Variants in WBP1L observed in about 807,000 individuals in gnomAD.
WBP1L encodes the protein WW domain binding protein 1 like, also known as WW domain binding protein 1-like.
A neutral mutation model predicts 33.7 loss-of-function variants in WBP1L; 17 were observed. The ratio of observed to expected loss-of-function variants is 0.50; its 90% confidence interval spans 0.34 to 0.76. The LOEUF is 0.76. Among genes scored for constraint, WBP1L ranks in the 30% least tolerant of loss-of-function variants. The pLI is 0.01. For synonymous variants in WBP1L, 173 were observed against 190.8 expected (o/e 0.91, Z 0.77); for missense variants, 389 against 469.4 (o/e 0.83, Z 1.58).
chr10:102,756,455 C>T (rs1203685187), intron 1 of WBP1L, among the ~76,000 whole-genome samples: 3 of 152,000 alleles, frequency 2.0e-5, no homozygotes, highest in Admixed American at 2.0e-4. Context: ...TAGCATTTCA[C>T]AAGATGCATT....
At chr10:102,781,743 C>A (rs524430) in intron 1 of WBP1L, among the ~76,000 whole-genome samples, 79,105 of 151,914 alleles carry the variant, frequency 0.52, 21,954 homozygotes, top group Non-Finnish European at 0.62. Flanking sequence ...AAAGTTGAAG[C>A]CAGAATCCTT....
At position 102,814,036 on chromosome 10, in the gene WBP1L, T is replaced by C. The variant is rs1843890902; in HGVS notation, c.*705T>C. 1 of 149,430 alleles carries C rather than the reference T, an allele frequency of 6.7e-6. No individual in the cohort carries two copies. The highest frequency in any genetic ancestry group is 1.5e-5 in the Non-Finnish European group (1 of 65,902). 9.3% of individuals were successfully genotyped at this position (149,430 alleles called of 1,614,324 possible). A position where few individuals can be genotyped will look rare whatever the true frequency, so the allele number is the denominator to read the frequency against. The stretch of plus-strand genomic sequence containing the variant: ...TGTGAAAGGTTATACTGCCTTTTCT[T>C]TGTTTGTTTGTTTTTTTCTCTAAAA... On this transcript the variant is annotated 3_prime_UTR_variant, in exon 4 of 4. Transcript: ENST00000448841.
At chr10:102,752,805 G>T (rs1045390387) in intron 1 of WBP1L, among the ~76,000 whole-genome samples, 1 of 152,158 alleles carries the variant, frequency 6.6e-6, no homozygotes, top group East Asian at 1.9e-4. Context: ...TGTTCTCAGG[G>T]TCTGTCACAA....
chr10:102,787,359 A>C (rs1194078506), intron 1 of WBP1L, among the ~76,000 whole-genome samples: 1 of 152,162 alleles, frequency 6.6e-6, no homozygotes, highest in Non-Finnish European at 1.5e-5. Context: ...AGGCTGAGGC[A>C]GGAGAATCAC....
chr10:102,800,755 T>C (rs1843645210), intron 2 of WBP1L, among the ~76,000 whole-genome samples: 1 of 152,188 alleles, frequency 6.6e-6, no homozygotes, highest in African/African-American at 2.4e-5. Context: ...ACACCTGAAG[T>C]TCTCATCAAA....
At position 102,745,125 on chromosome 10, in the gene WBP1L, C is replaced by T. The variant is rs547051614; in HGVS notation, c.90+982C>T. 3.9e-5 allele frequency among the ~76,000 whole-genome samples: 6 copies of T among 152,300 alleles called. No homozygotes were observed. The South Asian group carries it at 6.2e-4, about 16-fold the overall frequency. ...TTTCAGAAAGGCATACACACATAGA[C>T]GCATAGCGTAGTGGCAAAGTTTATA... On this transcript the variant is annotated intron_variant, in intron 1 of 3. Transcript: ENST00000448841.
chr10:102,782,606 G>T (rs1023101984), intron 1 of WBP1L, among the ~76,000 whole-genome samples: 1 of 152,042 alleles, frequency 6.6e-6, no homozygotes, highest in Non-Finnish European at 1.5e-5. Context: ...GCAACAGTGG[G>T]TTGAAAGAGC....
At chr10:102,802,494 G>A (rs1413468702) in intron 2 of WBP1L, among the ~76,000 whole-genome samples, 2 of 151,836 alleles carry the variant, frequency 1.3e-5, no homozygotes, top group Admixed American at 1.3e-4. Flanking sequence ...CTTTGGACTT[G>A]TTCCTAACCT....
At chr10:102,795,088 G>C (rs943536010) in intron 1 of WBP1L, among the ~76,000 whole-genome samples, 1 of 152,104 alleles carries the variant, frequency 6.6e-6, no homozygotes, top group African/African-American at 2.4e-5. Context: ...CTTTATGGTG[G>C]TGCAATTGAT....
intron 1 of WBP1L, among the ~76,000 whole-genome samples, chr10:102,779,271 A>G (rs61870778): frequency 0.52 from 78,393 of 150,282 alleles, 21,747 homozygotes; most frequent in Non-Finnish European, 0.62. Flanking sequence ...GCACTCCAGC[A>G]TGGGCGACAA....
intron 1 of WBP1L, among the ~76,000 whole-genome samples, chr10:102,750,346 G>T (rs1842912941): frequency 1.3e-5 from 2 of 151,474 alleles, no homozygotes; most frequent in Non-Finnish European, 2.9e-5. Flanking sequence ...AGCGAGCCTA[G>T]ATCACGCCAC....
intron 1 of WBP1L, among the ~76,000 whole-genome samples, chr10:102,775,743 G>A (rs889521299): frequency 6.6e-6 from 1 of 152,112 alleles, no homozygotes; most frequent in African/African-American, 2.4e-5. Flanking sequence ...CAGGCTTCAT[G>A]TCCTATTATT....
At chr10:102,772,925 C>CTTTTTTTTT (rs58706105) in intron 1 of WBP1L, among the ~76,000 whole-genome samples, 1 of 138,948 alleles carries the variant, frequency 7.2e-6, no homozygotes. Context: ...GTATGACTTC[C>CTTTTTTTTT]TTTTTTTTTT....
intron 1 of WBP1L, among the ~76,000 whole-genome samples, chr10:102,796,221 A>G (rs1489014946): frequency 1.3e-5 from 2 of 152,114 alleles, no homozygotes; most frequent in African/African-American, 4.8e-5. Flanking sequence ...GAGCACATAG[A>G]AGGAACTCTG....
intron 1 of WBP1L, among the ~76,000 whole-genome samples, chr10:102,751,555 G>T (rs998336102): frequency 6.6e-6 from 1 of 152,154 alleles, no homozygotes; most frequent in Non-Finnish European, 1.5e-5. Context: ...CGATCTGCTC[G>T]CCTTGGCCTC....
At chr10:102,794,602 T>A (rs115315273) in intron 1 of WBP1L, among the ~76,000 whole-genome samples, 1,687 of 151,644 alleles carry the variant, frequency 0.011, 26 homozygotes, top group African/African-American at 0.039. Context: ...CTACAAAAAT[T>A]AGCCGGGTGT....
chr10:102,805,505 CTCTCA>C (rs1437452147), intron 2 of WBP1L, among the ~76,000 whole-genome samples: 1 of 151,746 alleles, frequency 6.6e-6, no homozygotes, highest in African/African-American at 2.4e-5. Flanking sequence ...AGAAGCAATC[CTCTCA>C]TCTCAGCCTC....
At chr10:102,746,291 C>A (rs531899048) in intron 1 of WBP1L, 1 of 358,792 alleles carries the variant, frequency 2.8e-6, no homozygotes, top group South Asian at 1.1e-4. Flanking sequence ...GGACAGGTGT[C>A]TTTTGTACTT....
chr10:102,792,603 T>G (rs552024309), intron 1 of WBP1L, among the ~76,000 whole-genome samples: 1 of 148,844 alleles, frequency 6.7e-6, no homozygotes, highest in African/African-American at 2.5e-5. Flanking sequence ...TTTTTTTTTT[T>G]TTTTTTTTGA....
Sources: gnomAD v4.1 joint callset for allele counts (sites outside exome capture counted in the v4.1 genomes callset) on GRCh38, gnomAD v4.1.1 for gene constraint, MANE v1.5 for transcripts, NCBI Gene and HGNC (gene_info 2026-07-23, HGNC 2026-07-21) for gene names.